The following CDH18 variants were observed in gnomAD, a reference collection of about 807,000 sequenced individuals.
CDH18 encodes the protein cadherin 18, also known as cadherin-18.
In CDH18, 31 loss-of-function variants were observed where a neutral mutation model predicts 67.9. The observed-to-expected ratio is 0.46, with a 90% CI of 0.34 to 0.62. The LOEUF is 0.62. Among genes scored for constraint, CDH18 ranks in the 20% least tolerant of loss-of-function variants. The pLI is 0.01. For synonymous variants in CDH18, 362 were observed against 347.2 expected, an observed-to-expected ratio of 1.04 and a Z score of -0.48; for missense variants, 890 against 975.5, an observed-to-expected ratio of 0.91 and a Z score of 1.17.
At chr5:20,113,788 G>T (rs182573023) in intron 2 of CDH18, among the ~76,000 whole-genome samples, 1 of 152,136 alleles carries the variant, frequency 6.6e-6, no homozygotes, top group Non-Finnish European at 1.5e-5. Context: ...AAAAGCTAGC[G>T]CAAGTCCAGA....
At chr5:19,588,575 G>T (rs1187639597) in intron 7 of CDH18, among the ~76,000 whole-genome samples, 2 of 151,752 alleles carry the variant, frequency 1.3e-5, no homozygotes, top group East Asian at 3.9e-4. Flanking sequence ...ATGTAAATAG[G>T]CTAAACCCCC....
chr5:19,623,609 T>C (rs1025280389), intron 5 of CDH18, among the ~76,000 whole-genome samples: 32 of 152,180 alleles, frequency 2.1e-4, no homozygotes, highest in African/African-American at 7.0e-4. Flanking sequence ...TTTGCTTTGA[T>C]GGTTTAAATG....
At chr5:20,426,569 A>G (rs867760073) in intron 1 of CDH18, among the ~76,000 whole-genome samples, 5 of 151,150 alleles carry the variant, frequency 3.3e-5, no homozygotes, top group South Asian at 2.1e-4. Flanking sequence ...ACACACATAC[A>G]TATATGAATA....
At chr5:20,323,005 T>C (rs1441715749) in intron 1 of CDH18, among the ~76,000 whole-genome samples, 2 of 152,056 alleles carry the variant, frequency 1.3e-5, no homozygotes, top group Admixed American at 1.3e-4. Context: ...ATTAATGGAA[T>C]AGGTTTTAAA....
chr5:20,440,002 GTTTC>G lies in CDH18; in HGVS notation c.-580+135456_-580+135459del, dbSNP rs775162902. 2.4e-4 allele frequency among the ~76,000 whole-genome samples: 37 copies of G among 151,584 alleles called. 1 individual carries two copies. The highest frequency in any genetic ancestry group is 4.1e-4 in the South Asian group (2 of 4,822). ...TTGCTGTAAGAACATGCCAGCTTTT[GTTTC>G]TTTATTTCCTTTTCCTTAAAATAAA... On this transcript the variant is annotated intron_variant, in intron 1 of 14. Transcript: ENST00000507958.
chr5:19,602,113 A>C (rs1421480832), intron 6 of CDH18, among the ~76,000 whole-genome samples: 1 of 152,160 alleles, frequency 6.6e-6, no homozygotes, highest in African/African-American at 2.4e-5. Context: ...ATAAGGCAAG[A>C]AAAAGAAATT....
In CDH18 at chr5:19,639,361, GAGTAGAGGTTATT is replaced by G. The variant is rs577090791; in HGVS notation, c.644-26773_644-26761del. ...GAAGATGGCTAGAAACAAAGAGGAA[GAGTAGAGGTTATT>G]AGTAGCAGCCACTGGGTGGATGCCC... On this transcript the variant is annotated intron_variant, in intron 5 of 12. Transcript: ENST00000382275. Among the ~76,000 whole-genome samples the G allele has an allele frequency of 9.9e-5, 15 of 152,278 alleles. 1 individual carries two copies. The South Asian group carries it at 3.1e-3, about 32-fold the overall frequency.
At chr5:19,795,705 C>T (rs1581386936) in intron 3 of CDH18, among the ~76,000 whole-genome samples, 2 of 151,894 alleles carry the variant, frequency 1.3e-5, no homozygotes, top group East Asian at 3.9e-4. Context: ...CCTACTATAC[C>T]AAGAACGGAG....
At chr5:19,653,641 C>T (rs528118982) in intron 5 of CDH18, among the ~76,000 whole-genome samples, 2 of 152,152 alleles carry the variant, frequency 1.3e-5, no homozygotes, top group Non-Finnish European at 2.9e-5. Flanking sequence ...TCCAGGCAGT[C>T]CCCTAGAGAA....
intron 9 of CDH18, among the ~76,000 whole-genome samples, chr5:19,540,487 C>T (rs1470285797): frequency 1.3e-5 from 2 of 152,272 alleles, no homozygotes; most frequent in Non-Finnish European, 2.9e-5. Context: ...TTGCACCTCA[C>T]GTTTCCCTTC....
At chr5:20,554,733 G>T (rs1047120451) in intron 1 of CDH18, among the ~76,000 whole-genome samples, 1 of 152,158 alleles carries the variant, frequency 6.6e-6, no homozygotes. Context: ...ATAGAAACCT[G>T]CAGTAGTGAG....
At chr5:20,334,753 T>TAC (rs35282241) in intron 1 of CDH18, among the ~76,000 whole-genome samples, 35,199 of 138,120 alleles carry the variant, frequency 0.25, 4,727 homozygotes, top group Admixed American at 0.36. Context: ...CTCTCTCTCA[T>TAC]ACACACACAC....
intron 2 of CDH18, among the ~76,000 whole-genome samples, chr5:19,963,960 C>A (rs896535426): frequency 6.6e-6 from 1 of 151,928 alleles, no homozygotes; most frequent in Non-Finnish European, 1.5e-5. Context: ...AATATCAAGA[C>A]ATTAGCATAG....
chr5:20,391,006 G>A (rs1744803211), intron 1 of CDH18, among the ~76,000 whole-genome samples: 1 of 151,912 alleles, frequency 6.6e-6, no homozygotes. Context: ...AGAGGGGAGG[G>A]ATAGCATTTG....
At chr5:20,302,053 G>T (rs1283268918) in intron 1 of CDH18, among the ~76,000 whole-genome samples, 1 of 151,948 alleles carries the variant, frequency 6.6e-6, no homozygotes, top group Non-Finnish European at 1.5e-5. Flanking sequence ...GAAAAAAAAG[G>T]CCACTGGGAT....
chr5:19,756,412 C>T (rs536110887), intron 3 of CDH18, among the ~76,000 whole-genome samples: 28 of 152,280 alleles, frequency 1.8e-4, no homozygotes, highest in African/African-American at 5.5e-4. Flanking sequence ...ATTTCTTTGC[C>T]TTCAGCAAGG....
At chr5:19,978,618 A>G (rs1798727458) in intron 2 of CDH18, among the ~76,000 whole-genome samples, 1 of 152,146 alleles carries the variant, frequency 6.6e-6, no homozygotes, top group African/African-American at 2.4e-5. Flanking sequence ...AAGTGTTAGC[A>G]TGGCTGTATT....
intron 2 of CDH18, among the ~76,000 whole-genome samples, chr5:19,876,236 G>T (rs1358719995): frequency 6.6e-6 from 1 of 152,064 alleles, no homozygotes; most frequent in Admixed American, 6.6e-5. Context: ...AATGATCCTG[G>T]ACAATAACAT....
At chr5:19,535,777 T>C (rs1749321437) in intron 9 of CDH18, among the ~76,000 whole-genome samples, 1 of 152,196 alleles carries the variant, frequency 6.6e-6, no homozygotes, top group South Asian at 2.1e-4. Flanking sequence ...TGTTGTTTCA[T>C]TTGTAAATTC....
Sources: gnomAD v4.1 joint callset for allele counts (sites outside exome capture counted in the v4.1 genomes callset) on GRCh38, gnomAD v4.1.1 for gene constraint, MANE v1.5 for transcripts, NCBI Gene and HGNC (gene_info 2026-07-23, HGNC 2026-07-21) for gene names.